Variants in ERCC4 observed in about 807,000 individuals in gnomAD.
The protein encoded by ERCC4 is DNA repair endonuclease XPF.
In ERCC4, 65 loss-of-function variants were observed where a neutral mutation model predicts 76.9. The ratio of observed to expected loss-of-function variants is 0.84; its 90% CI spans 0.69 to 1.04. The LOEUF is 1.04. Among genes scored for constraint, ERCC4 ranks in the 50% least tolerant of loss-of-function variants. The pLI is 0.00. For missense variants in ERCC4, 1,214 were observed against 1,128.2 expected, an observed-to-expected ratio of 1.08 and a Z score of -1.09; for synonymous variants, 463 against 410.1, an observed-to-expected ratio of 1.13 and a Z score of -1.56.
chr16:13,921,967 T>A, intron 1 of ERCC4, 64 bp from the exon 2 acceptor site: 1 of 954,598 alleles, frequency 1.0e-6, no homozygotes, highest in Non-Finnish European at 1.7e-6. Context: ...ATTTTAAATA[T>A]CTGTGACCTA....
At chr16:13,941,598 T>C (rs1020079894) in intron 9 of ERCC4, among the ~76,000 whole-genome samples, 2 of 152,156 alleles carry the variant, frequency 1.3e-5, no homozygotes, top group African/African-American at 4.8e-5. Context: ...AAGGATTGTT[T>C]AGCTGGATTA....
chr16:13,945,031 C>T (rs986178611), intron 10 of ERCC4, among the ~76,000 whole-genome samples, 196 bp downstream of exon 10: 1 of 152,184 alleles, frequency 6.6e-6, no homozygotes, highest in Non-Finnish European at 1.5e-5. Flanking sequence ...AGAGTGAAGG[C>T]ACTGTGTCAT....
chr16:13,941,548 C>G (rs1481793649), intron 9 of ERCC4, among the ~76,000 whole-genome samples: 1 of 152,186 alleles, frequency 6.6e-6, no homozygotes, highest in South Asian at 2.1e-4. Flanking sequence ...AGTTGTGGCT[C>G]TTTAACCAGA....
rs2032570426 is a variant in ERCC4 at position 13,948,514 on chromosome 16, G to A, written c.*167G>A. 5.1e-6 allele frequency: 4 copies of A among 783,656 alleles called. No individual in the cohort carries two copies. The highest frequency in any genetic ancestry group is 8.3e-6 in the Non-Finnish European group (4 of 484,310). 48.5% of individuals were successfully genotyped at this position (783,656 alleles called of 1,614,324 possible). A position where few individuals can be genotyped will look rare whatever the true frequency, so the allele number is the denominator to read the frequency against. On this transcript the variant is annotated 3_prime_UTR_variant, in exon 11 of 11. Transcript: ENST00000311895. ...GATTCCTCTCTGAACTCTGCAGTTA[G>A]GCATCACTTGAACTTGCCTGTGCCT...
intron 10 of ERCC4, among the ~76,000 whole-genome samples, chr16:13,946,260 A>G (rs537453117): frequency 1.9e-4 from 29 of 152,334 alleles, no homozygotes; most frequent in Admixed American, 1.8e-3. Context: ...GAAATGTGTC[A>G]TTAGGCGATT....
chr16:13,935,481 G>A lies in ERCC4; in HGVS notation c.1549G>A (p.Glu517Lys), dbSNP rs150291286. Reference sequence around the variant, plus strand: ...AGATGTCGAGGAAGGATATCGTCGAGAAATAAGCAGTAGCCCAGAAAGCTG... The same window carrying A: ...AGATGTCGAGGAAGGATATCGTCGAAAAATAAGCAGTAGCCCAGAAAGCTG... ...EGDVEEGYRREISSSPESCPE... is the reference protein window; with the variant it reads ...EGDVEEGYRRKISSSPESCPE... The change falls in exon 8 of 11, where the codon GAA becomes AAA. Residue 517 changes from glutamate (E) to lysine (K), a missense_variant. Physicochemically the swap from Glu to Lys is moderately conservative, Grantham distance 56 (BLOSUM62 1). Transcript: ENST00000311895. The A allele has an allele frequency of 4.6e-5, 75 of 1,614,088 alleles. No individual in the cohort carries two copies. Among genetic ancestry groups the A allele is most frequent in the Non-Finnish European group, 5.8e-5 (69 of 1,180,044 alleles).
rs1407679225 is a variant in ERCC4 at position 13,950,990 on chromosome 16, G to A, written c.*2643G>A. 2.6e-5 allele frequency: 5 copies of A among 190,778 alleles called. No homozygotes were observed. Among genetic ancestry groups the A allele is most frequent in the East Asian group, 8.3e-5 (1 of 12,024 alleles). The allele number at this position is 190,778 out of a possible 1,614,324, so 11.8% of individuals were successfully genotyped here. ...CGCTTGAAGACAGGTGCACTGTCTC[G>A]TATGTATTTGAATTATGAACAGTAA... On this transcript the variant is annotated 3_prime_UTR_variant, in exon 11 of 11. Transcript: ENST00000311895.
At position 13,922,051 on chromosome 16, in the gene ERCC4, G is replaced by A. The variant is rs61760162; in HGVS notation, c.228G>A (p.Leu76=). The A allele has an allele frequency of 2.8e-5, 45 of 1,613,520 alleles. No homozygotes were observed. Among genetic ancestry groups the A allele is most frequent in the Non-Finnish European group, 3.6e-5 (42 of 1,179,630 alleles). ...TTTAGGAGTATTTTATCAATCAGCT[G>A]AAGATAGAAGGAGTTGAACACCTCC... The part of the protein sequence containing the change: ...PAEEEYFINQ[L]KIEGVEHLPR... Residue 76 remains leucine, a synonymous_variant, in exon 2 of 11, where the codon CTG becomes CTA. Transcript: ENST00000311895.
rs533626393 is a variant in ERCC4 at position 13,937,854 on chromosome 16, A to G, written c.1900A>G (p.Ile634Val). 3 of 1,599,352 alleles carry G rather than the reference A, an allele frequency of 1.9e-6. No homozygotes were observed. The highest frequency in any genetic ancestry group is 1.1e-5 in the South Asian group (1 of 90,800). Reference sequence around the variant, plus strand: ...AGAAAAGGAAGCTTTTGAAAAACTCATAAGGTAATACATAGAAAATCAGTA... The same window carrying G: ...AGAAAAGGAAGCTTTTGAAAAACTCGTAAGGTAATACATAGAAAATCAGTA... Reference protein sequence around the residue: ...RKEKEAFEKLIREKASMVVPE... With the variant: ...RKEKEAFEKLVREKASMVVPE... The change falls in exon 9 of 11, where the codon ATA becomes GTA. Residue 634 changes from isoleucine to valine, a missense_variant. Physicochemically the swap from Ile to Val is conservative, Grantham distance 29. Coordinates refer to ENST00000311895, the MANE Select transcript of ERCC4 (RefSeq NM_005236.3).
chr16:13,948,569 CG>C lies in ERCC4; in HGVS notation c.*225del. 1.8e-6 allele frequency: 1 copy of C among 568,044 alleles called. No individual in the cohort carries two copies. The highest frequency in any genetic ancestry group is 3.1e-5 in the Admixed American group (1 of 32,554). The allele number at this position is 568,044 out of a possible 1,614,324, so 35.2% of individuals were successfully genotyped here. On this transcript the variant is annotated 3_prime_UTR_variant, in exon 11 of 11. Coordinates refer to ENST00000311895, the MANE Select transcript of ERCC4 (RefSeq NM_005236.3). ...TTTTTCCTCCCTGCACCGTCTATGC[CG>C]GGCTTAGCATGTTTCTTTTTAAATG...
rs1384207763 is a variant in ERCC4, at chr16:13,930,820, T to A, written c.903T>A (p.Tyr301Ter). 2 of 1,613,296 alleles carry A rather than the reference T, an allele frequency of 1.2e-6. No individual in the cohort carries two copies. Among genetic ancestry groups the A allele is most frequent in the Non-Finnish European group, 1.7e-6 (2 of 1,179,366 alleles). Reference protein sequence around the residue: ...LRTLLQYLSQYDCVTFLNLLE... With the variant: ...LRTLLQYLSQ ...CTTTGCTGCAGTATCTCTCTCAGTA[T>A]GATTGTGTCACATTTCTTAATCTTC... Residue 301 changes from tyrosine (Y) to a stop codon, truncating the protein, a stop_gained, in exon 5 of 11, where the codon TAT (tyrosine) becomes TAA (stop). Coordinates refer to ENST00000311895, the MANE Select transcript of ERCC4 (RefSeq NM_005236.3). LOFTEE classifies it high-confidence loss of function.
At chr16:13,934,354 C>T (rs2141606047) in intron 7 of ERCC4, 52 bp downstream of exon 7, 1 of 1,184,900 alleles carries the variant, frequency 8.4e-7, no homozygotes, top group Non-Finnish European at 1.3e-6. Flanking sequence ...TCAAATGAGT[C>T]CTGATTTAAT....
intron 9 of ERCC4, among the ~76,000 whole-genome samples, chr16:13,939,414 C>T (rs2032369843): frequency 6.6e-6 from 1 of 152,092 alleles, no homozygotes; most frequent in Non-Finnish European, 1.5e-5. Context: ...ATACAGAGCA[C>T]CGCTGGCTGC....
At position 13,925,227 on chromosome 16, in the gene ERCC4, A is replaced by C. The variant is rs955508162; in HGVS notation, c.389-1334A>C. ...CTCTTCTTCCTCCTGGGTTCCAACCAAAATAAAGACAACTTTTTGGAGCGC... is the reference window on the plus strand; with the variant it reads ...CTCTTCTTCCTCCTGGGTTCCAACCCAAATAAAGACAACTTTTTGGAGCGC... On this transcript the variant is annotated intron_variant, in intron 2 of 10. Coordinates refer to ENST00000311895, the MANE Select transcript of ERCC4 (RefSeq NM_005236.3). Among the ~76,000 whole-genome samples the C allele has an allele frequency of 3.3e-5, 5 of 152,366 alleles. No homozygotes were observed. The East Asian group carries it at 5.8e-4, about 18-fold the overall frequency.
chr16:13,934,128 G>C, intron 6 of ERCC4, 64 bp from the exon 7 acceptor site: 1 of 1,052,080 alleles, frequency 9.5e-7, no homozygotes, highest in African/African-American at 1.6e-5. Flanking sequence ...TGTTTTAAAA[G>C]CCTTTGGAAG....
At chr16:13,947,003 C>T (rs1046060911) in intron 10 of ERCC4, among the ~76,000 whole-genome samples, 1 of 152,160 alleles carries the variant, frequency 6.6e-6, no homozygotes, top group Non-Finnish European at 1.5e-5. Context: ...CTCAGGTGAT[C>T]CGTCCACCTC....
intron 2 of ERCC4, among the ~76,000 whole-genome samples, chr16:13,922,902 A>G (rs1347016936): frequency 6.6e-6 from 1 of 152,200 alleles, no homozygotes. Context: ...ATTGTTTTCT[A>G]AGCTCTTATT....
intron 7 of ERCC4, chr16:13,934,839 T>C: frequency 3.3e-6 from 1 of 301,958 alleles, no homozygotes; most frequent in Non-Finnish European, 6.3e-6. Context: ...TTTAGGCATA[T>C]ATGAGATCCT....
chr16:13,926,480 G>C (rs1447776671), intron 2 of ERCC4, 81 bp from the exon 3 acceptor site: 3 of 1,211,982 alleles, frequency 2.5e-6, no homozygotes, highest in African/African-American at 1.5e-5. Context: ...TCATTCTCTT[G>C]TAAGTACTTA....
Sources: allele counts gnomAD v4.1 joint callset (sites outside exome capture counted in the v4.1 genomes callset), GRCh38; gene constraint gnomAD v4.1.1; transcripts MANE v1.5; gene names NCBI Gene and HGNC (gene_info 2026-07-23, HGNC 2026-07-21).